Variants in DOCK4 observed in about 807,000 individuals in gnomAD.
DOCK4 encodes the protein dedicator of cytokinesis protein 4.
DOCK4 carries 97 observed loss-of-function variants against 268.1 expected under a neutral mutation model. The observed-to-expected ratio is 0.36, with a 90% CI of 0.31 to 0.43. The LOEUF (loss-of-function observed/expected upper bound fraction) is 0.43, where lower values mean the gene tolerates loss of function less well. Ranked by LOEUF, DOCK4 falls within the 20% of genes least tolerant of loss-of-function variation. DOCK4 has a pLI of 1.00. For missense variants in DOCK4, 2,145 were observed against 2,455.7 expected, an observed-to-expected ratio of 0.87 and a Z score of 2.67; for synonymous variants, 954 against 887.2, an observed-to-expected ratio of 1.08 and a Z score of -1.34.
intron 1 of DOCK4, among the ~76,000 whole-genome samples, chr7:112,171,847 G>C (rs999514646): frequency 6.6e-6 from 1 of 152,208 alleles, no homozygotes; most frequent in African/African-American, 2.4e-5. Context: ...CAGTTCTGGA[G>C]GCTGGAAGTC....
chr7:111,741,264 T>C (rs1256727741), intron 46 of DOCK4, 50 bp from the exon 47 acceptor site: 2 of 1,607,252 alleles, frequency 1.2e-6, no homozygotes, highest in African/African-American at 2.7e-5. Flanking sequence ...CAAATTGTAC[T>C]TTATCATGTG....
chr7:111,916,992 T>TTTTTTTTTG (rs1792654706), intron 12 of DOCK4, among the ~76,000 whole-genome samples: 1 of 93,376 alleles, frequency 1.1e-5, no homozygotes, highest in South Asian at 3.5e-4. Flanking sequence ...TTTTTTTTTT[T>TTTTTTTTTG]TTTTTTTTTT....
At chr7:111,745,553 G>A (rs1213367027) in intron 44 of DOCK4, among the ~76,000 whole-genome samples, 3 of 151,710 alleles carry the variant, frequency 2.0e-5, no homozygotes, top group Non-Finnish European at 2.9e-5. Context: ...GTGTGGTGGC[G>A]GGCACTTGTG....
chr7:112,201,889 T>C (rs1366329760), intron 1 of DOCK4, among the ~76,000 whole-genome samples: 1 of 152,200 alleles, frequency 6.6e-6, no homozygotes, highest in East Asian at 1.9e-4. Context: ...CTTTAATCTC[T>C]ATATTTATGA....
At chr7:112,108,017 A>G (rs1389246341) in intron 1 of DOCK4, among the ~76,000 whole-genome samples, 1 of 152,248 alleles carries the variant, frequency 6.6e-6, no homozygotes, top group African/African-American at 2.4e-5. Context: ...ATTTCAGAAT[A>G]TGGACAGTAC....
intron 23 of DOCK4, among the ~76,000 whole-genome samples, chr7:111,850,284 C>G (rs1046658577): frequency 3.9e-5 from 6 of 152,038 alleles, no homozygotes; most frequent in African/African-American, 1.4e-4. Context: ...TCACTTTAAC[C>G]AGAATCTGCA....
chr7:112,088,409 C>T (rs1809319856), intron 1 of DOCK4, among the ~76,000 whole-genome samples: 1 of 152,060 alleles, frequency 6.6e-6, no homozygotes, highest in Non-Finnish European at 1.5e-5. Flanking sequence ...AATGGATTTT[C>T]TTATCCTCTT....
intron 13 of DOCK4, among the ~76,000 whole-genome samples, chr7:111,910,194 G>GC (rs1791977087): frequency 1.3e-5 from 2 of 152,192 alleles, no homozygotes; most frequent in African/African-American, 2.4e-5. Flanking sequence ...GAATCACAGA[G>GC]TAAAAAATGG....
intron 30 of DOCK4, among the ~76,000 whole-genome samples, chr7:111,791,100 A>ATATATAT (rs67130458): frequency 1.0e-4 from 13 of 124,196 alleles, no homozygotes; most frequent in African/African-American, 3.0e-4. Flanking sequence ...ATATATATAT[A>ATATATAT]AAATAAATCA....
chr7:112,048,329 A>G (rs542220365), intron 1 of DOCK4, among the ~76,000 whole-genome samples: 105 of 148,786 alleles, frequency 7.1e-4, no homozygotes, highest in Admixed American at 2.2e-3. Context: ...GGACTACCTG[A>G]GCTCAGGAGT....
intron 16 of DOCK4, among the ~76,000 whole-genome samples, chr7:111,877,425 T>C (rs886121063): frequency 6.6e-6 from 1 of 152,206 alleles, no homozygotes; most frequent in East Asian, 1.9e-4. Context: ...TGAGTGACCA[T>C]ATCAAATCAA....
chr7:112,048,585 C>T (rs1022602957), intron 1 of DOCK4, among the ~76,000 whole-genome samples: 1 of 150,142 alleles, frequency 6.7e-6, no homozygotes, highest in Non-Finnish European at 1.5e-5. Context: ...AAAAACAAAA[C>T]AAACAAACAA....
intron 30 of DOCK4, among the ~76,000 whole-genome samples, chr7:111,794,020 T>C (rs1799725010): frequency 6.6e-6 from 1 of 151,998 alleles, no homozygotes; most frequent in African/African-American, 2.4e-5. Flanking sequence ...TGGTGGCCAA[T>C]TAGAGCTTTA....
Position 111,852,565 on chromosome 7 carries a change from T to C in DOCK4, c.2474-5439A>G, listed in dbSNP as rs577459095. 2.0e-5 allele frequency among the ~76,000 whole-genome samples: 3 copies of C among 151,622 alleles called. No homozygotes were observed. The South Asian group carries it at 6.3e-4, about 32-fold the overall frequency. ...GTAGTCATTGCCTAGTAATGTTTAATTAGAAAGGAAGATAAAGCTTATCTG... is the reference window on the plus strand; with the variant it reads ...GTAGTCATTGCCTAGTAATGTTTAACTAGAAAGGAAGATAAAGCTTATCTG... On this transcript the variant is annotated intron_variant, in intron 23 of 52. Coordinates refer to ENST00000428084, the MANE Select transcript of DOCK4 (RefSeq NM_001363540.2).
intron 1 of DOCK4, among the ~76,000 whole-genome samples, chr7:112,144,833 A>C (rs563569086): frequency 7.9e-5 from 12 of 152,298 alleles, no homozygotes; most frequent in African/African-American, 2.9e-4. Flanking sequence ...GATGCTTGGG[A>C]ACATCAGTCC....
intron 13 of DOCK4, among the ~76,000 whole-genome samples, chr7:111,907,629 C>T (rs1791701879): frequency 6.6e-6 from 1 of 152,206 alleles, no homozygotes; most frequent in African/African-American, 2.4e-5. Flanking sequence ...TCTCCTCGCA[C>T]ATCAGGGTTC....
intron 26 of DOCK4, among the ~76,000 whole-genome samples, chr7:111,831,495 T>C (rs1454773968): frequency 6.6e-6 from 1 of 151,758 alleles, no homozygotes; most frequent in Non-Finnish European, 1.5e-5. Context: ...TTTTCTTTTT[T>C]TTTTTTAGAG....
chr7:111,977,235 G>C lies in DOCK4; in HGVS notation c.598C>G (p.His200Asp), dbSNP rs1309713504. The change falls in exon 8 of 53, where the codon CAC becomes GAC. Residue 200 changes from histidine to aspartate, a missense_variant. By Grantham distance (81) the His-to-Asp change is moderately conservative (BLOSUM62 -1). Coordinates refer to ENST00000428084, the MANE Select transcript of DOCK4 (RefSeq NM_001363540.2). The stretch of plus-strand genomic sequence containing the variant: ...CTCTTCATCTGGACAAAGAGGTGGT[G>C]ACTGCTGGCCTGCACCGGGGTGTCT... The part of the protein sequence containing the change: ...KKDTPVQASS[H>D]HLFVQMKSLM... 3 of 1,610,512 alleles carry C rather than the reference G, an allele frequency of 1.9e-6. No homozygotes were observed. The highest frequency in any genetic ancestry group is 4.5e-5 in the East Asian group (2 of 44,784).
At chr7:111,766,972 C>T in intron 38 of DOCK4, 60 bp downstream of exon 38, 1 of 1,348,164 alleles carries the variant, frequency 7.4e-7, no homozygotes, top group South Asian at 1.2e-5. Context: ...TAGAACCACA[C>T]TGGAAAGCTA....
Sources: gnomAD v4.1 joint callset for allele counts (sites outside exome capture counted in the v4.1 genomes callset) on GRCh38, gnomAD v4.1.1 for gene constraint, MANE v1.5 for transcripts, NCBI Gene and HGNC (gene_info 2026-07-23, HGNC 2026-07-21) for gene names.